Variants in IRF9 observed in about 807,000 individuals in gnomAD.
IRF9 encodes the protein IFN-alpha-responsive transcription factor subunit.
A neutral mutation model predicts 44.1 loss-of-function variants in IRF9; 13 were observed. That is an observed-to-expected ratio of 0.29 (90% CI 0.19 to 0.47). The LOEUF (loss-of-function observed/expected upper bound fraction) is 0.47. IRF9 is among the 20% of genes least tolerant of loss of function. The pLI is 1.00. For missense variants in IRF9, 373 were observed against 496.1 expected (o/e 0.75, Z 2.36); for synonymous variants, 189 against 188.5 (o/e 1.00, Z -0.02).
At chr14:24,162,550 C>A in intron 2 of IRF9, 1 of 506,102 alleles carries the variant, frequency 2.0e-6, no homozygotes, top group Non-Finnish European at 3.5e-6. Context: ...GCCTGTAATC[C>A]CAGCACTTCG....
At chr14:24,165,476 A>G in intron 7 of IRF9, 1 of 544,834 alleles carries the variant, frequency 1.8e-6, no homozygotes, top group South Asian at 2.1e-5. Flanking sequence ...CAGGGGGTGC[A>G]GAGTGTGGGT....
rs1487899170 is a variant in IRF9 at position 24,162,415 on chromosome 14, G to GT, written c.180+94dup. 3.1e-6 allele frequency: 4 copies of GT among 1,295,792 alleles called. No homozygotes were observed. In the African/African-American group the frequency reaches 5.9e-5, roughly 19 times the overall value. 80.3% of individuals were successfully genotyped at this position (1,295,792 alleles called of 1,614,324 possible). A position where few individuals can be genotyped will look rare whatever the true frequency, so the allele number is the denominator to read the frequency against. ...TCCTCGAGCACTTGCGTCTGCCTGG[G>GT]TTTCAGATAAGGGACAGATTGGAGA... On this transcript the variant is annotated intron_variant, in intron 2 of 8. Coordinates refer to ENST00000396864, the MANE Select transcript of IRF9 (RefSeq NM_006084.5).
intron 2 of IRF9, 120 bp downstream of exon 2, chr14:24,162,444 A>G (rs2038470659): frequency 1.0e-6 from 1 of 973,798 alleles, no homozygotes; most frequent in Admixed American, 2.8e-5. Flanking sequence ...TTGGAGAGGA[A>G]AACTAGCTGC....
At chr14:24,163,675 TA>T in intron 4 of IRF9, 167 bp downstream of exon 4, 1 of 911,208 alleles carries the variant, frequency 1.1e-6, no homozygotes, top group Non-Finnish European at 1.7e-6. Flanking sequence ...CCGTCTCTAC[TA>T]AAAATACAAA....
Position 24,166,338 on chromosome 14 carries a change from G to A in IRF9, c.*142G>A, listed in dbSNP as rs1383071644. 26 of 739,744 alleles carry A rather than the reference G, an allele frequency of 3.5e-5. No homozygotes were observed. In the East Asian group the frequency reaches 3.5e-4, roughly 10 times the overall value. The allele number at this position is 739,744 out of a possible 1,614,324, so 45.8% of individuals were successfully genotyped here. The stretch of plus-strand genomic sequence containing the variant: ...TGATAATCGTGTCCTGAAAATCCTC[G>A]CACACACTGGCTGGTGGAGAACTCA... On this transcript the variant is annotated 3_prime_UTR_variant, in exon 9 of 9. Coordinates refer to ENST00000396864, the MANE Select transcript of IRF9 (RefSeq NM_006084.5).
chr14:24,163,818 CAA>C (rs1456178078), intron 4 of IRF9, 58 bp from the exon 5 acceptor site: 1 of 1,514,802 alleles, frequency 6.6e-7, no homozygotes, highest in Non-Finnish European at 8.9e-7. Flanking sequence ...GCCTGGGCAA[CAA>C]GAGTGAAACT....
rs1417013463 is a variant in IRF9 at position 24,165,195 on chromosome 14, C to T, written c.991+240C>T. 4.3e-6 allele frequency: 3 copies of T among 702,812 alleles called. No homozygotes were observed. The South Asian group carries it at 4.4e-5, about 10-fold the overall frequency. The allele number at this position is 702,812 out of a possible 1,614,324, so 43.5% of individuals were successfully genotyped here. A position where few individuals can be genotyped will look rare whatever the true frequency, so the allele number is the denominator to read the frequency against. Reference sequence around the variant, plus strand: ...AAGAGGTGGTTCAGGTAGAGCCCAGCACAAGAGTGTCATATCTTGGAGAAC... The same window carrying T: ...AAGAGGTGGTTCAGGTAGAGCCCAGTACAAGAGTGTCATATCTTGGAGAAC... On this transcript the variant is annotated intron_variant, in intron 7 of 8. Transcript: ENST00000396864.
chr14:24,164,137 A>G lies in IRF9; in HGVS notation c.649+3A>G. ...GTTTCTGCTTCCTCCAGAGCCAGGT[A>G]CGTGGCATTTCTGACTTTCTCCTGT... On this transcript the variant is annotated splice_donor_region_variant and intron_variant, in intron 6 of 8. Coordinates refer to ENST00000396864, the MANE Select transcript of IRF9 (RefSeq NM_006084.5). The surrounding 1 kb of genome is among the most constrained non-coding windows in gnomAD (Gnocchi z 5.2). 2 of 1,613,874 alleles carry G rather than the reference A, an allele frequency of 1.2e-6. No homozygotes were observed. Among genetic ancestry groups the G allele is most frequent in the South Asian group, 1.1e-5 (1 of 91,084 alleles).
In IRF9 at chr14:24,166,496, G is replaced by T; in HGVS notation, c.*300G>T. On this transcript the variant is annotated 3_prime_UTR_variant, in exon 9 of 9. Transcript: ENST00000396864. ...TCTTCCCTGACCTCCCAACTCTAAA[G>T]CCAAGCACTTTATATTTTCCTCTTA... The T allele has an allele frequency of 2.1e-6, 1 of 472,884 alleles. No homozygotes were observed. The highest frequency in any genetic ancestry group is 3.3e-5 in the East Asian group (1 of 30,498). 29.3% of individuals were successfully genotyped at this position (472,884 alleles called of 1,614,324 possible).
At chr14:24,161,726 G>A (rs377115901) in intron 1 of IRF9, among the ~76,000 whole-genome samples, 37 of 152,284 alleles carry the variant, frequency 2.4e-4, no homozygotes, top group South Asian at 8.3e-4. Context: ...GCTGTGGGGC[G>A]GTGGGTGAAG....
chr14:24,166,236 TC>T lies in IRF9; in HGVS notation c.*42del, dbSNP rs2038521004. On this transcript the variant is annotated 3_prime_UTR_variant, in exon 9 of 9. Transcript: ENST00000396864. Reference sequence around the variant, plus strand: ...ATCTTCCACCTCACCTCTTTGTTCTTCCTGTCTCCTTTGAAGTAGACTCATT... The same window carrying T: ...ATCTTCCACCTCACCTCTTTGTTCTTCTGTCTCCTTTGAAGTAGACTCATT... The T allele has an allele frequency of 6.4e-7, 1 of 1,559,964 alleles. No homozygotes were observed. Among genetic ancestry groups the T allele is most frequent in the African/African-American group, 1.4e-5 (1 of 73,948 alleles).
intron 1 of IRF9, 54 bp from the exon 2 acceptor site, chr14:24,162,090 A>T (rs984672240): frequency 1.3e-6 from 2 of 1,547,322 alleles, no homozygotes; most frequent in African/African-American, 1.4e-5. Flanking sequence ...GTCTCAGGAG[A>T]TGTTCCCTCC....
chr14:24,162,453 G>A, intron 2 of IRF9, 129 bp downstream of exon 2: 1 of 908,568 alleles, frequency 1.1e-6, no homozygotes, highest in Non-Finnish European at 1.7e-6. Flanking sequence ...AAAACTAGCT[G>A]CATCATTTGC....
At position 24,162,952 on chromosome 14, in the gene IRF9, G is replaced by T; in HGVS notation, c.181-14G>T. On this transcript the variant is annotated splice_polypyrimidine_tract_variant and intron_variant, in intron 2 of 8. Coordinates refer to ENST00000396864, the MANE Select transcript of IRF9 (RefSeq NM_006084.5). ...GTAACACACTGCCTCTTCTTCCCTT[G>T]CTTTCTTTCCTAGGCCTGGGCAATA... The T allele has an allele frequency of 6.2e-7, 1 of 1,610,918 alleles. No homozygotes were observed. The highest frequency in any genetic ancestry group is 8.5e-7 in the Non-Finnish European group (1 of 1,178,356).
At position 24,163,144 on chromosome 14, in the gene IRF9, T is replaced by C; in HGVS notation, c.359T>C (p.Val120Ala). The change falls in exon 3 of 9, where the codon GTC (valine) becomes GCC (alanine). Residue 120 changes from valine to alanine, a missense_variant. Physicochemically the swap from Val to Ala is moderately conservative, Grantham distance 64 (BLOSUM62 0). Around this residue, in one of 2 missense-constraint regions of IRF9, gnomAD observed 227 missense variants for 255.3 expected, o/e 0.89. Transcript: ENST00000396864. ...TATCAGTTGCTGCCACCAGGAATCG[T>C]CTCTGGTGAGTTTCCCCTTGTCCAA... ...KVYQLLPPGI[V>A]SGQPGTQKVP... 1 of 1,613,738 alleles carries C rather than the reference T, an allele frequency of 6.2e-7. No homozygotes were observed. Among genetic ancestry groups the C allele is most frequent in the Non-Finnish European group, 8.5e-7 (1 of 1,179,874 alleles).
At chr14:24,165,187 G>C (rs761108900) in intron 7 of IRF9, 117 of 703,050 alleles carry the variant, frequency 1.7e-4, no homozygotes, top group Middle Eastern at 2.3e-4. Flanking sequence ...GGTTCAGGTA[G>C]AGCCCAGCAC....
In IRF9 at chr14:24,163,040, C is replaced by T. The variant is rs1452850740; in HGVS notation, c.255C>T (p.Arg85=). 12 of 1,614,026 alleles carry T rather than the reference C, an allele frequency of 7.4e-6. No homozygotes were observed. Among genetic ancestry groups the T allele is most frequent in the Non-Finnish European group, 1.0e-5 (12 of 1,180,016 alleles). ...CAGCTGTCTGGAAGACTCGCCTGCG[C>T]TGTGCACTCAACAAGAGTTCTGAAT... ...GGPAVWKTRL[R]CALNKSSEFK... Residue 85 remains arginine (R), a synonymous_variant, in exon 3 of 9, where the codon CGC becomes CGT. Transcript: ENST00000396864.
At position 24,164,227 on chromosome 14, in the gene IRF9, C is replaced by A; in HGVS notation, c.649+93C>A. The A allele has an allele frequency of 1.8e-6, 2 of 1,083,200 alleles. No individual in the cohort carries two copies. The highest frequency in any genetic ancestry group is 2.4e-5 in the East Asian group (1 of 42,280). 67.1% of individuals were successfully genotyped at this position (1,083,200 alleles called of 1,614,324 possible). ...GCATTATCTAGTCAGTCAGGGCTTA[C>A]AGCAAACTGTACCCACATTACCATA... On this transcript the variant is annotated intron_variant, in intron 6 of 8. Transcript: ENST00000396864. This position sits in a 1 kb window ranked among gnomAD's most constrained non-coding sequence, Gnocchi z 5.2.
At chr14:24,165,742 A>T in intron 7 of IRF9, 105 bp from the exon 8 acceptor site, 2 of 701,854 alleles carry the variant, frequency 2.8e-6, no homozygotes, top group Non-Finnish European at 4.8e-6. Flanking sequence ...CTCTGGCAAG[A>T]CCCCCTCCTA....
Sources: gnomAD v4.1 joint callset for allele counts (sites outside exome capture counted in the v4.1 genomes callset) on GRCh38, gnomAD v4.1.1 for gene constraint, gnomAD v4.1.1 regional missense constraint, Gnocchi (gnomAD v3.1) non-coding constraint, MANE v1.5 for transcripts, NCBI Gene and HGNC (gene_info 2026-07-23, HGNC 2026-07-21) for gene names.